The following RBFOX1 variants were observed in gnomAD, a reference collection of about 807,000 sequenced individuals.
RBFOX1 encodes the protein RNA binding protein fox-1 homolog 1.
A neutral mutation model predicts 57.7 loss-of-function variants in RBFOX1; 8 were observed. The ratio of observed to expected loss-of-function variants is 0.14; its 90% CI spans 0.08 to 0.25. The LOEUF (loss-of-function observed/expected upper bound fraction) is 0.25, where lower values mean the gene tolerates loss of function less well. Ranked by LOEUF, RBFOX1 falls within the 10% of genes least tolerant of loss-of-function variation. The pLI, the probability that RBFOX1 is intolerant of heterozygous loss-of-function variation, is 1.00. For missense variants in RBFOX1, 611 were observed against 548.5 expected (o/e 1.11, Z -1.14); for synonymous variants, 326 against 222.4 (o/e 1.47, Z -4.15).
At chr16:5,673,320 G>A (rs958110597) in intron 3 of RBFOX1, among the ~76,000 whole-genome samples, 1 of 152,132 alleles carries the variant, frequency 6.6e-6, no homozygotes, top group African/African-American at 2.4e-5. Flanking sequence ...CAGGCAGGAA[G>A]CAGGTTCCAA....
At chr16:6,481,709 C>G (rs1009306946) in intron 2 of RBFOX1, among the ~76,000 whole-genome samples, 1 of 152,100 alleles carries the variant, frequency 6.6e-6, no homozygotes, top group African/African-American at 2.4e-5. Flanking sequence ...TAGAAGTTAA[C>G]TTTAAAAATA....
intron 2 of RBFOX1, among the ~76,000 whole-genome samples, chr16:6,399,822 A>G (rs1225719791): frequency 1.3e-5 from 2 of 152,246 alleles, no homozygotes; most frequent in African/African-American, 4.8e-5. Flanking sequence ...AGGAGGCCTC[A>G]GGAAAGTTAC....
chr16:6,580,908 C>CTT (rs5815330), intron 2 of RBFOX1, among the ~76,000 whole-genome samples: 8 of 142,548 alleles, frequency 5.6e-5, no homozygotes, highest in East Asian at 2.1e-4. Context: ...TTTGGGCTTG[C>CTT]TTTTTTTTTT....
At chr16:6,878,323 G>A (rs1170695757) in intron 3 of RBFOX1, among the ~76,000 whole-genome samples, 5 of 152,156 alleles carry the variant, frequency 3.3e-5, no homozygotes, top group Non-Finnish European at 5.9e-5. Flanking sequence ...AGTGACAGGT[G>A]CTGGAACATT....
chr16:6,489,719 G>A (rs2095587936), intron 2 of RBFOX1, among the ~76,000 whole-genome samples: 2 of 152,138 alleles, frequency 1.3e-5, no homozygotes, highest in Non-Finnish European at 2.9e-5. Context: ...GAGTGATAAT[G>A]CTCACAGCTT....
intron 2 of RBFOX1, among the ~76,000 whole-genome samples, chr16:5,505,447 G>T (rs1206755694): frequency 6.6e-6 from 1 of 152,120 alleles, no homozygotes; most frequent in Non-Finnish European, 1.5e-5. Flanking sequence ...ATTGGGGGTG[G>T]GTTTAGTGTC....
At chr16:7,118,504 C>T (rs1478691) in intron 4 of RBFOX1, among the ~76,000 whole-genome samples, 36,080 of 152,060 alleles carry the variant, frequency 0.24, 4,962 homozygotes, top group East Asian at 0.36. Flanking sequence ...GACAGGTACA[C>T]TCAAAGCCAA....
chr16:5,839,876 A>G (rs1339994287), intron 3 of RBFOX1, among the ~76,000 whole-genome samples: 1 of 152,186 alleles, frequency 6.6e-6, no homozygotes, highest in Non-Finnish European at 1.5e-5. Flanking sequence ...CAGCTCATTG[A>G]CTAGAATCAG....
intron 1 of RBFOX1, among the ~76,000 whole-genome samples, chr16:6,152,411 TC>T (rs1316668840): frequency 1.3e-5 from 2 of 152,108 alleles, no homozygotes; most frequent in African/African-American, 4.8e-5. Context: ...TTGTTGAAAC[TC>T]CCAGAGGCCT....
At chr16:6,612,815 G>T (rs564631745) in intron 2 of RBFOX1, among the ~76,000 whole-genome samples, 2 of 146,526 alleles carry the variant, frequency 1.4e-5, no homozygotes, top group East Asian at 2.0e-4. Flanking sequence ...TCATGCCACT[G>T]CACTCCAGCC....
chr16:6,800,698 C>T (rs935027714), intron 3 of RBFOX1, among the ~76,000 whole-genome samples: 2 of 151,952 alleles, frequency 1.3e-5, no homozygotes, highest in African/African-American at 2.4e-5. Flanking sequence ...GGCCCGTGGA[C>T]GTTCAGTTTT....
chr16:5,855,344 C>G (rs1294187149), intron 3 of RBFOX1, among the ~76,000 whole-genome samples: 2 of 152,118 alleles, frequency 1.3e-5, no homozygotes, highest in Non-Finnish European at 2.9e-5. Flanking sequence ...TTTTGGTAAC[C>G]TTACGGTTCA....
chr16:6,007,508 C>T (rs1195285013), intron 4 of RBFOX1, among the ~76,000 whole-genome samples: 1 of 152,160 alleles, frequency 6.6e-6, no homozygotes, highest in East Asian at 1.9e-4. Flanking sequence ...TTGCCAGAGA[C>T]CTTGAACGAG....
chr16:6,955,693 T>TATG (rs1568066894), intron 3 of RBFOX1, among the ~76,000 whole-genome samples: 47 of 148,490 alleles, frequency 3.2e-4, no homozygotes, highest in African/African-American at 1.0e-3. Context: ...ATGTATGTAT[T>TATG]TATTTATTTA....
intron 4 of RBFOX1, among the ~76,000 whole-genome samples, chr16:7,245,480 T>C (rs1243435589): frequency 6.6e-6 from 1 of 152,194 alleles, no homozygotes; most frequent in Non-Finnish European, 1.5e-5. Flanking sequence ...GGGGGTGTTA[T>C]CTGGTCTTCA....
chr16:7,458,165 G>A (rs1035944828), intron 4 of RBFOX1, among the ~76,000 whole-genome samples: 6 of 152,128 alleles, frequency 3.9e-5, no homozygotes, highest in African/African-American at 1.4e-4. Flanking sequence ...TGCACCACAC[G>A]TCTATACTGC....
At position 5,386,342 on chromosome 16, in the gene RBFOX1, A is replaced by T. The variant is rs1434253591; in HGVS notation, c.220-80874A>T. 2.6e-5 allele frequency among the ~76,000 whole-genome samples: 4 copies of T among 151,906 alleles called. No homozygotes were observed. In the East Asian group the frequency reaches 5.8e-4, roughly 22 times the overall value. The stretch of plus-strand genomic sequence containing the variant: ...GTGGATGGAGAAGGGTCCTGAGAGC[A>T]TTGCATCTCAAAGGCCCCAGGGGAA... On this transcript the variant is annotated intron_variant, in intron 1 of 2. Transcript: ENST00000585867.
chr16:6,769,189 C>A (rs951082056), intron 3 of RBFOX1, among the ~76,000 whole-genome samples: 1 of 152,134 alleles, frequency 6.6e-6, no homozygotes, highest in Non-Finnish European at 1.5e-5. Flanking sequence ...GCATAAGCCT[C>A]ATGAGATCCG....
intron 2 of RBFOX1, among the ~76,000 whole-genome samples, chr16:6,411,893 G>C (rs1181767166): frequency 6.6e-6 from 1 of 152,050 alleles, no homozygotes; most frequent in Non-Finnish European, 1.5e-5. Flanking sequence ...CAGCACTTTG[G>C]GCGGCTGAGG....
Sources: allele counts gnomAD v4.1 joint callset (sites outside exome capture counted in the v4.1 genomes callset), GRCh38; gene constraint gnomAD v4.1.1; transcripts MANE v1.5; gene names NCBI Gene and HGNC (gene_info 2026-07-23, HGNC 2026-07-21).